Variants in RCL1 observed in about 807,000 individuals in gnomAD.
RCL1 encodes the protein RNA 3'-terminal phosphate cyclase-like protein.
A neutral mutation model predicts 42.4 loss-of-function variants in RCL1; 24 were observed. The ratio of observed to expected loss-of-function variants is 0.57; its 90% CI spans 0.41 to 0.80. RCL1 has a LOEUF of 0.80. Among genes scored for constraint, RCL1 ranks in the 30% least tolerant of loss-of-function variants. The pLI is 0.00. For missense variants in RCL1, 578 were observed against 467.9 expected (o/e 1.24, Z -2.17); for synonymous variants, 228 against 177.3 (o/e 1.29, Z -2.27).
intron 1 of RCL1, among the ~76,000 whole-genome samples, chr9:4,798,734 A>G (rs1006049841): frequency 6.6e-6 from 1 of 152,214 alleles, no homozygotes; most frequent in Non-Finnish European, 1.5e-5. Flanking sequence ...TTGATGGACA[A>G]CTGGTTTTGG....
chr9:4,811,763 A>G (rs1253720285), intron 1 of RCL1, among the ~76,000 whole-genome samples: 2 of 152,178 alleles, frequency 1.3e-5, no homozygotes, highest in Non-Finnish European at 2.9e-5. Context: ...TTAGTTTTTG[A>G]GGAATATCTG....
chr9:4,831,076 A>T (rs443934), intron 3 of RCL1, among the ~76,000 whole-genome samples: 4 of 151,970 alleles, frequency 2.6e-5, no homozygotes, highest in East Asian at 1.9e-4. Context: ...GGAATTGTCT[A>T]GGGTCTAACA....
chr9:4,809,690 G>T (rs1816105446), intron 1 of RCL1, among the ~76,000 whole-genome samples: 1 of 152,162 alleles, frequency 6.6e-6, no homozygotes, highest in South Asian at 2.1e-4. Flanking sequence ...TCATTAACTG[G>T]CAACATAGCC....
chr9:4,834,479 T>C (rs1026906636), intron 5 of RCL1, among the ~76,000 whole-genome samples: 25 of 151,846 alleles, frequency 1.6e-4, no homozygotes, highest in African/African-American at 5.1e-4. Flanking sequence ...TTCTTTTTTT[T>C]TTTTTTTTTT....
intron 8 of RCL1, 21 bp from the exon 9 acceptor site, chr9:4,860,104 A>AT: frequency 1.3e-5 from 19 of 1,468,576 alleles, no homozygotes; most frequent in Non-Finnish European, 1.7e-5. Context: ...TTATTTATTT[A>AT]TTTATTTTTT....
At chr9:4,796,049 T>C (rs1842908595) in intron 1 of RCL1, among the ~76,000 whole-genome samples, 1 of 152,196 alleles carries the variant, frequency 6.6e-6, no homozygotes, top group African/African-American at 2.4e-5. Flanking sequence ...AGATGGTGGC[T>C]GCGGAAATCA....
chr9:4,830,005 T>A (rs946726593), intron 3 of RCL1, among the ~76,000 whole-genome samples: 8 of 152,000 alleles, frequency 5.3e-5, no homozygotes, highest in African/African-American at 1.7e-4. Context: ...GAAGGAGAAA[T>A]GAGTGTTTAA....
chr9:4,838,278 T>A (rs550459065), intron 5 of RCL1, among the ~76,000 whole-genome samples: 1 of 152,340 alleles, frequency 6.6e-6, no homozygotes, highest in East Asian at 1.9e-4. Context: ...CAAGATGACC[T>A]ACCAGCCAGG....
At chr9:4,827,737 TGTGTGTGTGTGTGTGTGTGCACGC>T (rs1816809013) in intron 3 of RCL1, among the ~76,000 whole-genome samples, 3 of 114,722 alleles carry the variant, frequency 2.6e-5, no homozygotes, top group Admixed American at 1.0e-4. Flanking sequence ...ATGAAGTGTG[TGTGTGTGTGTGTGTGTGTGCACGC>T]GTGTGTGTGT....
chr9:4,845,629 T>G (rs949395453), intron 7 of RCL1, among the ~76,000 whole-genome samples: 2 of 152,224 alleles, frequency 1.3e-5, no homozygotes, highest in Admixed American at 6.5e-5. Flanking sequence ...TCTGTTAGTC[T>G]GCACCGTCTT....
Position 4,812,968 on chromosome 9 carries a change from C to T in RCL1, c.137-10580C>T, listed in dbSNP as rs144296176. On this transcript the variant is annotated intron_variant, in intron 1 of 8. Transcript: ENST00000381750. ...GTTTATCAGTTCTAGGAGTTCATGG[C>T]AGTACTTTAAGAGTTTTCTATATAT... 2.6e-3 allele frequency among the ~76,000 whole-genome samples: 394 copies of T among 152,178 alleles called. 1 individual carries two copies. The highest frequency in any genetic ancestry group is 9.2e-3 in the African/African-American group (382 of 41,538).
chr9:4,840,866 T>C (rs1335824153), intron 5 of RCL1, among the ~76,000 whole-genome samples: 3 of 152,058 alleles, frequency 2.0e-5, no homozygotes, highest in Non-Finnish European at 4.4e-5. Context: ...GAAAGTGTTC[T>C]TAGGTGTTGT....
At chr9:4,841,675 G>T (rs1397644931) in intron 6 of RCL1, among the ~76,000 whole-genome samples, 1 of 152,276 alleles carries the variant, frequency 6.6e-6, no homozygotes, top group East Asian at 1.9e-4. Context: ...AATTAAAGTG[G>T]ACAGGTTCTT....
chr9:4,856,227 A>G (rs1360535780), intron 8 of RCL1, among the ~76,000 whole-genome samples: 2 of 151,968 alleles, frequency 1.3e-5, no homozygotes, highest in African/African-American at 4.8e-5. Flanking sequence ...GATGGGGGAG[A>G]TGGTGGGATG....
chr9:4,845,009 AAG>A (rs1456056763), intron 7 of RCL1, among the ~76,000 whole-genome samples: 2 of 152,200 alleles, frequency 1.3e-5, no homozygotes, highest in African/African-American at 4.8e-5. Flanking sequence ...GCCCTAGCCA[AAG>A]AGAGTACCAT....
intron 1 of RCL1, among the ~76,000 whole-genome samples, chr9:4,815,731 C>A (rs933927205): frequency 6.6e-6 from 1 of 152,052 alleles, no homozygotes; most frequent in African/African-American, 2.4e-5. Context: ...CCACAGGGAG[C>A]TGGGCACGGT....
chr9:4,834,415 G>A, intron 5 of RCL1, 150 bp downstream of exon 5: 1 of 768,188 alleles, frequency 1.3e-6, no homozygotes, highest in South Asian at 1.9e-5. Flanking sequence ...GTAATTGCTG[G>A]CTGAGTTAGG....
chr9:4,846,504 T>G (rs211635), intron 7 of RCL1, among the ~76,000 whole-genome samples: 5,358 of 152,262 alleles, frequency 0.035, 293 homozygotes, highest in African/African-American at 0.12. Flanking sequence ...AAGTTTGGGG[T>G]AGATGATCAA....
At chr9:4,844,257 T>C (rs1006157955) in intron 6 of RCL1, among the ~76,000 whole-genome samples, 1 of 152,190 alleles carries the variant, frequency 6.6e-6, no homozygotes, top group East Asian at 1.9e-4. Context: ...ACACCTTTCC[T>C]GTTGATGTGT....
Sources: gnomAD v4.1 joint callset for allele counts (sites outside exome capture counted in the v4.1 genomes callset) on GRCh38, gnomAD v4.1.1 for gene constraint, MANE v1.5 for transcripts, NCBI Gene and HGNC (gene_info 2026-07-23, HGNC 2026-07-21) for gene names.